The following SYNPO2 variants were observed in gnomAD, a reference collection of about 807,000 sequenced individuals.
SYNPO2 encodes synaptopodin 2, also known as synaptopodin-2.
Under a neutral mutation model 85.0 loss-of-function variants are expected in SYNPO2, and 56 were observed. That is an observed-to-expected ratio of 0.66 (90% CI 0.53 to 0.82). SYNPO2 has a LOEUF of 0.82. SYNPO2 is among the 40% of genes least tolerant of loss of function. The pLI, the probability that SYNPO2 is intolerant of heterozygous loss-of-function variation, is 0.00. For synonymous variants in SYNPO2, 602 were observed against 591.1 expected (o/e 1.02, Z -0.27); for missense variants, 1,575 against 1,534.2 (o/e 1.03, Z -0.44).
In SYNPO2 at chr4:119,031,937, C is replaced by T. The variant is rs142864795; in HGVS notation, c.3162C>T (p.Pro1054=). 6.8e-6 allele frequency: 11 copies of T among 1,614,238 alleles called. No homozygotes were observed. Among genetic ancestry groups the T allele is most frequent in the South Asian group, 6.6e-5 (6 of 91,076 alleles). Residue 1054 remains proline, a synonymous_variant, in exon 4 of 5, where the codon CCC becomes CCT. Transcript: ENST00000307142. The part of the protein sequence containing the change: ...VSASPVPVGI[P]TSPKQESASS... ...CATCCCCAGTGCCTGTGGGCATTCC[C>T]ACCTCGCCAAAGCAAGAATCAGCCT...
At chr4:118,868,048 T>TAAA (rs34145856) in intron 1 of SYNPO2, among the ~76,000 whole-genome samples, 3 of 146,228 alleles carry the variant, frequency 2.1e-5, no homozygotes, top group South Asian at 2.1e-4. Context: ...TCCTTTCATT[T>TAAA]AAAAAAAAAA....
chr4:118,962,354 G>A (rs1735132649), intron 1 of SYNPO2, among the ~76,000 whole-genome samples: 1 of 152,178 alleles, frequency 6.6e-6, no homozygotes, highest in Admixed American at 6.5e-5. Context: ...AGAGGCAGAT[G>A]TGCCTTTCAT....
chr4:118,998,776 T>C (rs1245807890), intron 1 of SYNPO2, among the ~76,000 whole-genome samples: 1 of 152,232 alleles, frequency 6.6e-6, no homozygotes, highest in East Asian at 1.9e-4. Flanking sequence ...TGCAACTTTG[T>C]GAGTCTGTGA....
intron 1 of SYNPO2, 113 bp downstream of exon 1, chr4:118,889,254 C>A: frequency 3.0e-6 from 3 of 1,011,194 alleles, no homozygotes; most frequent in Non-Finnish European, 4.3e-6. Context: ...TTTGATTTTG[C>A]TGCGGATATT....
intron 1 of SYNPO2, among the ~76,000 whole-genome samples, chr4:118,931,492 G>A (rs1251513288): frequency 6.6e-6 from 1 of 152,082 alleles, no homozygotes; most frequent in African/African-American, 2.4e-5. Flanking sequence ...TAGCCATGAT[G>A]TGCTCCCAAG....
At chr4:118,923,050 A>G (rs1733591380) in intron 1 of SYNPO2, among the ~76,000 whole-genome samples, 1 of 152,154 alleles carries the variant, frequency 6.6e-6, no homozygotes, top group Non-Finnish European at 1.5e-5. Flanking sequence ...TTTCTTGCAT[A>G]TATTTTGGAA....
chr4:118,887,469 G>A (rs1011688332), upstream of SYNPO2, among the ~76,000 whole-genome samples: 1 of 152,136 alleles, frequency 6.6e-6, no homozygotes, highest in African/African-American at 2.4e-5. Flanking sequence ...TGTGACAGGA[G>A]GTACTCCTTA....
intron 1 of SYNPO2, among the ~76,000 whole-genome samples, chr4:118,933,855 A>AC (rs1415067005): frequency 9.5e-6 from 1 of 104,890 alleles, no homozygotes; most frequent in Admixed American, 1.3e-4. Flanking sequence ...TTGGACAGTA[A>AC]CCTTGCAAGG....
intron 1 of SYNPO2, among the ~76,000 whole-genome samples, chr4:118,970,651 G>A (rs578138280): frequency 6.6e-6 from 1 of 152,284 alleles, no homozygotes; most frequent in African/African-American, 2.4e-5. Flanking sequence ...TAAAGGGACT[G>A]TAGTAGAAAA....
At chr4:118,979,581 C>T (rs374255273) in intron 1 of SYNPO2, among the ~76,000 whole-genome samples, 2 of 152,114 alleles carry the variant, frequency 1.3e-5, no homozygotes, top group Non-Finnish European at 1.5e-5. Flanking sequence ...TTTGTATTTC[C>T]GTACTGTTTA....
At chr4:118,921,775 A>G (rs893263862) in intron 1 of SYNPO2, among the ~76,000 whole-genome samples, 4 of 129,338 alleles carry the variant, frequency 3.1e-5, no homozygotes, top group Non-Finnish European at 5.0e-5. Flanking sequence ...GTTACTTTTC[A>G]TATGCACACA....
chr4:118,895,295 C>G (rs1040213247), intron 1 of SYNPO2, among the ~76,000 whole-genome samples: 28 of 152,124 alleles, frequency 1.8e-4, no homozygotes, highest in African/African-American at 6.5e-4. Flanking sequence ...TGCTCTTTAC[C>G]CATATCCCTC....
intron 4 of SYNPO2, among the ~76,000 whole-genome samples, chr4:119,053,159 G>C (rs1054903074): frequency 6.6e-6 from 1 of 152,148 alleles, no homozygotes; most frequent in Non-Finnish European, 1.5e-5. Flanking sequence ...CATTCAGCCA[G>C]CCAAACAGAG....
intron 1 of SYNPO2, among the ~76,000 whole-genome samples, chr4:118,860,948 G>A (rs907212292): frequency 6.6e-6 from 1 of 152,134 alleles, no homozygotes; most frequent in Admixed American, 6.5e-5. Flanking sequence ...TGTCAGATGG[G>A]TAGTTAGTAA....
intron 1 of SYNPO2, among the ~76,000 whole-genome samples, chr4:118,916,881 C>T (rs1328234236): frequency 6.6e-6 from 1 of 151,890 alleles, no homozygotes; most frequent in Admixed American, 6.6e-5. Context: ...TACAAAGATG[C>T]GTCACCATGC....
intron 1 of SYNPO2, among the ~76,000 whole-genome samples, chr4:119,020,806 T>C (rs933069735): frequency 1.3e-5 from 2 of 152,230 alleles, no homozygotes; most frequent in Non-Finnish European, 2.9e-5. Flanking sequence ...TGTTTACTGT[T>C]GGATATTGTT....
intron 4 of SYNPO2, among the ~76,000 whole-genome samples, chr4:119,044,819 T>C (rs1738827368): frequency 6.6e-6 from 1 of 152,202 alleles, no homozygotes; most frequent in Non-Finnish European, 1.5e-5. Context: ...AGAAAAGCAG[T>C]TACAAAGGCC....
intron 1 of SYNPO2, among the ~76,000 whole-genome samples, chr4:118,891,289 A>G (rs1292851710): frequency 6.6e-6 from 1 of 152,206 alleles, no homozygotes; most frequent in Non-Finnish European, 1.5e-5. Context: ...AGATTTTAAA[A>G]TATCATTATA....
intron 1 of SYNPO2, among the ~76,000 whole-genome samples, chr4:118,879,323 A>G (rs1204837681): frequency 6.6e-6 from 1 of 152,162 alleles, no homozygotes; most frequent in Non-Finnish European, 1.5e-5. Context: ...CCTTTTCCCT[A>G]GGCTCTGGGG....
Sources: allele counts gnomAD v4.1 joint callset (sites outside exome capture counted in the v4.1 genomes callset), GRCh38; gene constraint gnomAD v4.1.1; transcripts MANE v1.5; gene names NCBI Gene and HGNC (gene_info 2026-07-23, HGNC 2026-07-21).